The following SAMD12 variants were observed in gnomAD, a reference collection of about 807,000 sequenced individuals.
The protein encoded by SAMD12 is sterile alpha motif domain containing 12, also known as sterile alpha motif domain-containing protein 12.
A neutral mutation model predicts 15.0 loss-of-function variants in SAMD12; 9 were observed. The ratio of observed to expected loss-of-function variants is 0.60; its 90% CI spans 0.36 to 1.05. The LOEUF (loss-of-function observed/expected upper bound fraction) is 1.05. Among genes scored for constraint, SAMD12 ranks in the 50% least tolerant of loss-of-function variants. The probability of loss-of-function intolerance (pLI) is 0.01; values close to 1 mark genes in which losing one functional copy is unlikely to be tolerated. For missense variants in SAMD12, 230 were observed against 234.2 expected (o/e 0.98, Z 0.12); for synonymous variants, 86 against 90.1 (o/e 0.96, Z 0.25).
intron 2 of SAMD12, among the ~76,000 whole-genome samples, chr8:118,552,476 A>C (rs1429719533): frequency 6.6e-6 from 1 of 151,912 alleles, no homozygotes; most frequent in African/African-American, 2.4e-5. Flanking sequence ...AAAATTCAAC[A>C]ACCCTTCATG....
intron 4 of SAMD12, among the ~76,000 whole-genome samples, chr8:118,321,983 C>G (rs1200260522): frequency 2.0e-5 from 3 of 152,170 alleles, no homozygotes; most frequent in African/African-American, 7.2e-5. Flanking sequence ...CTTCTTCCCC[C>G]AGAGCTGCCA....
the SAMD12 span, among the ~76,000 whole-genome samples, chr8:118,144,785 G>A: frequency 2.6e-5 from 4 of 152,120 alleles, no homozygotes; most frequent in African/African-American, 7.2e-5. Context: ...TGAGAAAAAC[G>A]AGGATGCGTT....
chr8:118,418,444 C>T (rs963740287), intron 3 of SAMD12, among the ~76,000 whole-genome samples: 2 of 152,150 alleles, frequency 1.3e-5, no homozygotes, highest in African/African-American at 2.4e-5. Flanking sequence ...GGCCAGGCGC[C>T]ATGGCTCACG....
chr8:118,281,930 G>A (rs1324138975), intron 4 of SAMD12, among the ~76,000 whole-genome samples: 1 of 152,190 alleles, frequency 6.6e-6, no homozygotes, highest in African/African-American at 2.4e-5. Flanking sequence ...GGGATAGAAA[G>A]CCACTATTAC....
chr8:118,591,685 A>G (rs1255943993), intron 1 of SAMD12, among the ~76,000 whole-genome samples: 1 of 152,196 alleles, frequency 6.6e-6, no homozygotes, highest in Non-Finnish European at 1.5e-5. Flanking sequence ...AAGAAGGAAA[A>G]AAGAACAGCT....
chr8:118,392,748 C>G (rs909627727), intron 3 of SAMD12, among the ~76,000 whole-genome samples: 5 of 152,048 alleles, frequency 3.3e-5, no homozygotes, highest in Admixed American at 2.0e-4. Flanking sequence ...ATATTTGGGG[C>G]CAGGTGATTC....
At chr8:118,139,924 T>C in the SAMD12 span, among the ~76,000 whole-genome samples, 1 of 152,170 alleles carries the variant, frequency 6.6e-6, no homozygotes, top group Non-Finnish European at 1.5e-5. Flanking sequence ...CATGGCTGCT[T>C]ACAAAAACTG....
intron 3 of SAMD12, among the ~76,000 whole-genome samples, chr8:118,403,245 A>G (rs1319878403): frequency 6.6e-6 from 1 of 152,244 alleles, no homozygotes; most frequent in African/African-American, 2.4e-5. Flanking sequence ...AAACAAAGAG[A>G]AAGGAACAAA....
chr8:118,610,371 T>C (rs1004609726), intron 1 of SAMD12, among the ~76,000 whole-genome samples: 5 of 152,168 alleles, frequency 3.3e-5, no homozygotes, highest in Admixed American at 3.3e-4. Flanking sequence ...ACCAAATTAG[T>C]GAACTTTGAC....
At chr8:118,405,242 T>G (rs115510961) in intron 3 of SAMD12, among the ~76,000 whole-genome samples, 1,582 of 152,094 alleles carry the variant, frequency 0.01, 30 homozygotes, top group African/African-American at 0.037. Context: ...CGAAAATGAG[T>G]GCTCATTTTC....
Position 118,365,424 on chromosome 8 carries a change from T to C in SAMD12, c.433+14136A>G, listed in dbSNP as rs1346454347. ...CCCATGTAGGTGGAATTGTCCTGTC[T>C]GTTGAGAACATGAACGAAACAAAAA... On this transcript the variant is annotated intron_variant, in intron 4 of 4. Coordinates refer to the SAMD12 transcript ENST00000409003. Among the ~76,000 whole-genome samples the C allele has an allele frequency of 6.6e-5, 10 of 152,216 alleles. No individual in the cohort carries two copies. In the South Asian group the frequency reaches 2.1e-3, roughly 31 times the overall value.
At chr8:118,321,818 T>C (rs1296978280) in intron 4 of SAMD12, among the ~76,000 whole-genome samples, 1 of 151,864 alleles carries the variant, frequency 6.6e-6, no homozygotes, top group Admixed American at 6.5e-5. Flanking sequence ...CTCAGTTTCC[T>C]TCTCTGTAAA....
At chr8:118,306,103 C>T (rs1815335991) in intron 4 of SAMD12, among the ~76,000 whole-genome samples, 1 of 152,090 alleles carries the variant, frequency 6.6e-6, no homozygotes, top group Non-Finnish European at 1.5e-5. Flanking sequence ...TTCTGGGCTG[C>T]CTCAGTTTTG....
chr8:118,552,391 G>A (rs1423385840), intron 2 of SAMD12, among the ~76,000 whole-genome samples: 1 of 152,096 alleles, frequency 6.6e-6, no homozygotes, highest in Non-Finnish European at 1.5e-5. Flanking sequence ...ATCAATAAAT[G>A]TAATCCAGCA....
intron 1 of SAMD12, 80 bp from the exon 2 acceptor site, chr8:118,580,973 T>A: frequency 1.8e-6 from 2 of 1,137,864 alleles, no homozygotes; most frequent in Non-Finnish European, 1.2e-6. Flanking sequence ...TCATCAAGCC[T>A]AAGTAGGAAA....
intron 2 of SAMD12, among the ~76,000 whole-genome samples, chr8:118,577,433 C>A (rs1827181225): frequency 6.6e-6 from 1 of 152,176 alleles, no homozygotes; most frequent in South Asian, 2.1e-4. Flanking sequence ...CCCCAATCCA[C>A]ATATATACAC....
chr8:118,460,185 T>C (rs914812150), intron 2 of SAMD12, among the ~76,000 whole-genome samples: 3 of 152,272 alleles, frequency 2.0e-5, no homozygotes, highest in African/African-American at 7.2e-5. Flanking sequence ...TATGAATTAC[T>C]ATAATTCACA....
exon 5 of SAMD12, chr8:118,192,295 C>T (rs1819427429): frequency 6.6e-6 from 1 of 152,120 alleles, no homozygotes; most frequent in Admixed American, 6.6e-5. Context: ...GTCTGGACTT[C>T]TACATTTGGT....
intron 4 of SAMD12, among the ~76,000 whole-genome samples, chr8:118,277,980 T>C (rs1271114323): frequency 1.3e-5 from 2 of 152,186 alleles, no homozygotes; most frequent in Non-Finnish European, 2.9e-5. Flanking sequence ...ATTCTGCTAA[T>C]TGGTAGCACA....
Sources: allele counts gnomAD v4.1 joint callset (sites outside exome capture counted in the v4.1 genomes callset), GRCh38; gene constraint gnomAD v4.1.1; transcripts MANE v1.5; gene names NCBI Gene and HGNC (gene_info 2026-07-23, HGNC 2026-07-21).